SGCZ: variants seen among roughly 807,000 people sequenced by gnomAD.
The protein encoded by SGCZ is sarcoglycan zeta.
SGCZ carries 40 observed loss-of-function variants against 41.3 expected under a neutral mutation model. The observed-to-expected ratio is 0.97, with a 90% confidence interval of 0.75 to 1.26. SGCZ has a LOEUF of 1.26. Ranked by LOEUF, SGCZ falls within the 50% of genes most tolerant of loss-of-function variation. SGCZ has a pLI of 0.00. For synonymous variants in SGCZ, 206 were observed against 137.5 expected (o/e 1.50, Z -3.49); for missense variants, 552 against 369.8 (o/e 1.49, Z -4.04).
rs1448591176 is a variant in SGCZ at position 14,403,297 on chromosome 8, A to C, written c.235-79093T>G. ...ACCCTTTATTTCCTTCTCCTGCCTC[A>C]CTGCCTGGGCCAGAACTTCCAACAC... On this transcript the variant is annotated intron_variant, in intron 2 of 7. Transcript: ENST00000382080. 2.0e-5 allele frequency among the ~76,000 whole-genome samples: 3 copies of C among 150,208 alleles called. 1 individual carries two copies. The highest frequency in any genetic ancestry group is 5.0e-5 in the African/African-American group (2 of 39,612).
intron 1 of SGCZ, among the ~76,000 whole-genome samples, chr8:15,119,107 A>T (rs1254375675): frequency 6.6e-6 from 1 of 152,210 alleles, no homozygotes; most frequent in African/African-American, 2.4e-5. Flanking sequence ...TTTACTTCTT[A>T]TCCTTTTAAG....
intron 1 of SGCZ, among the ~76,000 whole-genome samples, chr8:15,142,433 G>A (rs555247191): frequency 6.6e-6 from 1 of 152,056 alleles, no homozygotes; most frequent in Admixed American, 6.6e-5. Context: ...GGAGTACCTA[G>A]AGCCTACAGA....
At chr8:14,798,493 T>G (rs1311725333) in intron 1 of SGCZ, among the ~76,000 whole-genome samples, 1 of 152,152 alleles carries the variant, frequency 6.6e-6, no homozygotes, top group Admixed American at 6.5e-5. Flanking sequence ...ATAAACTATG[T>G]ACATGAAGAT....
At chr8:15,116,642 T>C (rs1807280431) in intron 1 of SGCZ, among the ~76,000 whole-genome samples, 1 of 152,172 alleles carries the variant, frequency 6.6e-6, no homozygotes, top group Non-Finnish European at 1.5e-5. Context: ...GTGAAATATG[T>C]ATAATAAAGC....
intron 3 of SGCZ, among the ~76,000 whole-genome samples, chr8:14,286,277 C>T (rs1310945446): frequency 1.3e-5 from 2 of 152,110 alleles, no homozygotes; most frequent in Non-Finnish European, 2.9e-5. Flanking sequence ...ACATTTTAGA[C>T]ATCTGGCTAA....
chr8:15,209,920 T>C (rs1009300963), intron 1 of SGCZ, among the ~76,000 whole-genome samples: 2 of 152,164 alleles, frequency 1.3e-5, no homozygotes, highest in Admixed American at 6.5e-5. Flanking sequence ...TAGGATGTAA[T>C]TTTGACCAAT....
At chr8:15,064,225 A>C (rs930057167) in intron 1 of SGCZ, among the ~76,000 whole-genome samples, 2 of 152,144 alleles carry the variant, frequency 1.3e-5, no homozygotes, top group African/African-American at 4.8e-5. Context: ...ATAACTATCT[A>C]TATTTCTCAG....
intron 3 of SGCZ, among the ~76,000 whole-genome samples, chr8:14,318,710 C>G (rs1426344187): frequency 6.6e-6 from 1 of 151,962 alleles, no homozygotes; most frequent in East Asian, 1.9e-4. Flanking sequence ...TCAGAAGAGA[C>G]AGAACAGTCA....
At chr8:15,072,601 T>C (rs1805396645) in intron 1 of SGCZ, among the ~76,000 whole-genome samples, 2 of 152,156 alleles carry the variant, frequency 1.3e-5, no homozygotes, top group African/African-American at 4.8e-5. Context: ...ATATAGAACA[T>C]TAAATTTGGG....
At chr8:14,563,242 A>T (rs1260026787) in intron 1 of SGCZ, among the ~76,000 whole-genome samples, 1 of 152,164 alleles carries the variant, frequency 6.6e-6, no homozygotes, top group Non-Finnish European at 1.5e-5. Flanking sequence ...TACAGTCTTC[A>T]CCTTTTCTAC....
intron 1 of SGCZ, among the ~76,000 whole-genome samples, chr8:14,600,282 T>C (rs578066120): frequency 1.8e-4 from 28 of 152,314 alleles, no homozygotes; most frequent in African/African-American, 6.0e-4. Context: ...TCAATTCCTG[T>C]GCATTTCTCC....
At chr8:15,194,834 C>T (rs1244102058) in intron 1 of SGCZ, among the ~76,000 whole-genome samples, 2 of 152,156 alleles carry the variant, frequency 1.3e-5, no homozygotes, top group Non-Finnish European at 2.9e-5. Flanking sequence ...TCATTCTGGA[C>T]TTCTGACCTC....
At chr8:14,346,799 TG>T (rs1277536628) in intron 2 of SGCZ, among the ~76,000 whole-genome samples, 5 of 152,108 alleles carry the variant, frequency 3.3e-5, no homozygotes, top group African/African-American at 1.2e-4. Context: ...TATCCTTCTC[TG>T]TGATACATAA....
chr8:15,182,338 G>A (rs1163475287), intron 1 of SGCZ, among the ~76,000 whole-genome samples: 5 of 152,056 alleles, frequency 3.3e-5, no homozygotes, highest in Admixed American at 1.3e-4. Context: ...ATACGTTCCT[G>A]AAAAAGCATC....
At chr8:14,888,903 C>T (rs532145070) in intron 1 of SGCZ, among the ~76,000 whole-genome samples, 1 of 152,210 alleles carries the variant, frequency 6.6e-6, no homozygotes, top group South Asian at 2.1e-4. Context: ...GGGTACACTG[C>T]TACAAGAATT....
chr8:14,783,865 C>T (rs1370558692), intron 1 of SGCZ, among the ~76,000 whole-genome samples: 1 of 151,984 alleles, frequency 6.6e-6, no homozygotes, highest in Non-Finnish European at 1.5e-5. Context: ...CTAAAAAATT[C>T]AGAACAAAGA....
chr8:14,188,226 A>G (rs1368506039), intron 4 of SGCZ, among the ~76,000 whole-genome samples: 2 of 152,242 alleles, frequency 1.3e-5, no homozygotes, highest in South Asian at 4.1e-4. Context: ...TTCTGAAAGT[A>G]ATTCAAACTT....
At chr8:14,365,137 A>C (rs556596961) in intron 2 of SGCZ, among the ~76,000 whole-genome samples, 1 of 152,178 alleles carries the variant, frequency 6.6e-6, no homozygotes, top group South Asian at 2.1e-4. Flanking sequence ...ACAGTGATAT[A>C]TGCTTTAGAT....
intron 1 of SGCZ, among the ~76,000 whole-genome samples, chr8:14,978,473 A>AAT (rs1801559387): frequency 6.5e-5 from 2 of 30,852 alleles, no homozygotes; most frequent in Non-Finnish European, 1.4e-4. Flanking sequence ...ACCGTCACAA[A>AAT]AAAAAAAAAA....
Sources: allele counts gnomAD v4.1 joint callset (sites outside exome capture counted in the v4.1 genomes callset), GRCh38; gene constraint gnomAD v4.1.1; transcripts MANE v1.5; gene names NCBI Gene and HGNC (gene_info 2026-07-23, HGNC 2026-07-21).